The following FDFT1 variants were observed in gnomAD, a reference collection of about 807,000 sequenced individuals.
The protein encoded by FDFT1 is farnesyl-diphosphate farnesyltransferase 1.
Under a neutral mutation model 46.8 loss-of-function variants are expected in FDFT1, and 68 were observed. That is an observed-to-expected ratio of 1.45 (90% CI 1.19 to 1.78). The LOEUF (loss-of-function observed/expected upper bound fraction) is 1.78, where lower values mean the gene tolerates loss of function less well. FDFT1 is among the 40% of genes most tolerant of loss of function. FDFT1 has a pLI of 0.00. For synonymous variants in FDFT1, 351 were observed against 185.1 expected, an observed-to-expected ratio of 1.90 and a Z score of -7.28; for missense variants, 928 against 524.4, an observed-to-expected ratio of 1.77 and a Z score of -7.52.
In FDFT1 at chr8:11,821,735, C is replaced by CTAA. The variant is rs770679481; in HGVS notation, c.382-15_382-14insTAA. On this transcript the variant is annotated splice_polypyrimidine_tract_variant and intron_variant, in intron 3 of 7. Transcript: ENST00000220584. ...ATATTTCATGATTTCTGTGTTTTTA[C>CTAA]GGTTTCCATTTCAGATCTCCCTTGA... The CTAA allele has an allele frequency of 6.2e-7, 1 of 1,611,326 alleles. No homozygotes were observed. The highest frequency in any genetic ancestry group is 8.5e-7 in the Non-Finnish European group (1 of 1,178,154).
At position 11,821,082 on chromosome 8, in the gene FDFT1, T is replaced by A. The variant is rs373774477; in HGVS notation, c.382-668T>A. On this transcript the variant is annotated intron_variant, in intron 3 of 7. Transcript: ENST00000220584. ...AGAATGATACTTGTTACATAGGAAG[T>A]GCTTGATCCATGTTTGCACAAATGA... Among the ~76,000 whole-genome samples, 40 of 152,320 alleles carry A rather than the reference T, an allele frequency of 2.6e-4. No homozygotes were observed. In the South Asian group the frequency reaches 8.1e-3, roughly 31 times the overall value.
upstream of FDFT1, chr8:11,798,115 T>A (rs1238588967): frequency 1.3e-5 from 2 of 152,240 alleles, no homozygotes; most frequent in Non-Finnish European, 2.9e-5. Context: ...CTCACTTTGT[T>A]GCCCAGGCTG....
intron 2 of FDFT1, 193 bp downstream of exon 2, chr8:11,809,084 G>T: frequency 7.8e-7 from 1 of 1,276,940 alleles, no homozygotes; most frequent in Non-Finnish European, 1.0e-6. Flanking sequence ...TAGAGTCCCT[G>T]CGGGCCCAGC....
At chr8:11,821,924 C>G in intron 4 of FDFT1, 46 bp downstream of exon 4, 1 of 1,594,282 alleles carries the variant, frequency 6.3e-7, no homozygotes. Flanking sequence ...TTAGACAGAG[C>G]TGGCAGTCCT....
chr8:11,811,470 C>T (rs1373152210), intron 3 of FDFT1, among the ~76,000 whole-genome samples: 1 of 152,204 alleles, frequency 6.6e-6, no homozygotes, highest in African/African-American at 2.4e-5. Context: ...GCCCTATCCC[C>T]TCAGCAGAAG....
At position 11,815,265 on chromosome 8, in the gene FDFT1, A is replaced by G. The variant is rs182405872; in HGVS notation, c.381+5415A>G. On this transcript the variant is annotated intron_variant, in intron 3 of 7. Transcript: ENST00000220584. Reference sequence around the variant, plus strand: ...GTGCCACATTTTCTTTATTCAGTCTATTATTGATGGACATTTGGGTTGGTT... The same window carrying G: ...GTGCCACATTTTCTTTATTCAGTCTGTTATTGATGGACATTTGGGTTGGTT... 1.1e-3 allele frequency among the ~76,000 whole-genome samples: 170 copies of G among 152,130 alleles called. 1 individual carries two copies. The highest frequency in any genetic ancestry group is 1.5e-3 in the Non-Finnish European group (105 of 68,000).
intron 4 of FDFT1, among the ~76,000 whole-genome samples, chr8:11,822,223 C>T (rs1024400299): frequency 2.0e-5 from 3 of 152,206 alleles, no homozygotes; most frequent in Non-Finnish European, 4.4e-5. Flanking sequence ...GTGAGACTTA[C>T]TCATCACTTC....
chr8:11,816,340 T>G (rs2130778815), intron 3 of FDFT1, among the ~76,000 whole-genome samples: 1 of 152,362 alleles, frequency 6.6e-6, no homozygotes, highest in East Asian at 1.9e-4. Context: ...AGGATTGTCT[T>G]GGCTATGCAG....
chr8:11,819,880 G>T (rs1303814852), intron 3 of FDFT1, among the ~76,000 whole-genome samples: 1 of 152,070 alleles, frequency 6.6e-6, no homozygotes, highest in African/African-American at 2.4e-5. Flanking sequence ...ATCCAGTTTT[G>T]TTCCTTTGCT....
In FDFT1 at chr8:11,838,709, A is replaced by T; in HGVS notation, c.*100A>T. 1.1e-6 allele frequency: 1 copy of T among 944,646 alleles called. No homozygotes were observed. The highest frequency in any genetic ancestry group is 1.6e-5 in the African/African-American group (1 of 61,454). The allele number at this position is 944,646 out of a possible 1,614,324, so 58.5% of individuals were successfully genotyped here. On this transcript the variant is annotated 3_prime_UTR_variant, in exon 8 of 8. Transcript: ENST00000220584. ...CTCTTTATTTTTTTCCTACTACTTTAATCCCTAAAAGAACGCTGTGTGGCT... is the reference window on the plus strand; with the variant it reads ...CTCTTTATTTTTTTCCTACTACTTTTATCCCTAAAAGAACGCTGTGTGGCT...
At chr8:11,817,978 G>A (rs933333981) in intron 3 of FDFT1, among the ~76,000 whole-genome samples, 2 of 152,046 alleles carry the variant, frequency 1.3e-5, no homozygotes, top group African/African-American at 4.8e-5. Flanking sequence ...GATCTTTCCT[G>A]CTTTCTCTTG....
At chr8:11,808,352 C>A in intron 1 of FDFT1, 1 of 1,229,312 alleles carries the variant, frequency 8.1e-7, no homozygotes, top group African/African-American at 1.6e-5. Context: ...GGCGCCGGTG[C>A]GGAGCGGGAG....
chr8:11,800,330 A>G, upstream of FDFT1, among the ~76,000 whole-genome samples: 1 of 142,526 alleles, frequency 7.0e-6, no homozygotes, highest in African/African-American at 2.6e-5. Context: ...GGCCATTTTT[A>G]CTTCCTGCAG....
intron 1 of FDFT1, among the ~76,000 whole-genome samples, chr8:11,804,997 T>G (rs1806647380): frequency 6.8e-6 from 1 of 147,412 alleles, no homozygotes; most frequent in Non-Finnish European, 1.5e-5. Flanking sequence ...CAGTTTTGAC[T>G]TCCTTGGCTG....
intron 3 of FDFT1, among the ~76,000 whole-genome samples, chr8:11,818,768 C>T (rs1311642525): frequency 6.6e-6 from 1 of 152,034 alleles, no homozygotes; most frequent in Non-Finnish European, 1.5e-5. Context: ...AGACGGGTCT[C>T]CTGAATACAG....
intron 1 of FDFT1, among the ~76,000 whole-genome samples, chr8:11,796,602 G>T (rs1201442726): frequency 1.1e-4 from 17 of 152,234 alleles, no homozygotes; most frequent in Non-Finnish European, 1.5e-5. Flanking sequence ...CTGCAGCAGT[G>T]CTCTGATTGG....
At chr8:11,827,604 C>G (rs768858461) in intron 5 of FDFT1, among the ~76,000 whole-genome samples, 3 of 151,784 alleles carry the variant, frequency 2.0e-5, no homozygotes, top group Admixed American at 6.6e-5. Context: ...AAAAAAACTT[C>G]TAAAAGTTAA....
At chr8:11,823,815 C>T (rs1447217673) in intron 4 of FDFT1, among the ~76,000 whole-genome samples, 4 of 152,192 alleles carry the variant, frequency 2.6e-5, no homozygotes, top group Non-Finnish European at 4.4e-5. Context: ...ATGATCAAGG[C>T]TCACTGCAGC....
In FDFT1 at chr8:11,838,680, T is replaced by C; in HGVS notation, c.*71T>C. The C allele has an allele frequency of 8.4e-7, 1 of 1,196,044 alleles. No individual in the cohort carries two copies. Among genetic ancestry groups the C allele is most frequent in the South Asian group, 1.2e-5 (1 of 81,048 alleles). The allele number at this position is 1,196,044 out of a possible 1,614,324, so 74.1% of individuals were successfully genotyped here. On this transcript the variant is annotated 3_prime_UTR_variant, in exon 8 of 8. Transcript: ENST00000220584. ...TTTTTTTCTTTAAGGATGGATGTTG[T>C]GTTCTCTTTATTTTTTTCCTACTAC...
Sources: allele counts gnomAD v4.1 joint callset (sites outside exome capture counted in the v4.1 genomes callset), GRCh38; gene constraint gnomAD v4.1.1; transcripts MANE v1.5; gene names NCBI Gene and HGNC (gene_info 2026-07-23, HGNC 2026-07-21).